MTREX: variants seen among roughly 807,000 people sequenced by gnomAD.
MTREX encodes exosome RNA helicase MTR4.
A neutral mutation model predicts 135.4 loss-of-function variants in MTREX; 76 were observed. The ratio of observed to expected loss-of-function variants is 0.56; its 90% CI spans 0.47 to 0.68. The LOEUF (loss-of-function observed/expected upper bound fraction) is 0.68. MTREX is among the 30% of genes least tolerant of loss of function. MTREX has a pLI of 0.00. For synonymous variants in MTREX, 404 were observed against 401.6 expected (o/e 1.01, Z -0.07); for missense variants, 920 against 1,262.1 (o/e 0.73, Z 4.11).
intron 5 of MTREX, among the ~76,000 whole-genome samples, chr5:55,335,888 G>A (rs189486000): frequency 9.2e-5 from 14 of 152,114 alleles, no homozygotes; most frequent in African/African-American, 3.4e-4. Flanking sequence ...CGATGAAAAT[G>A]ATGTATTTCT....
At chr5:55,384,740 T>C (rs567253713) in intron 18 of MTREX, among the ~76,000 whole-genome samples, 3 of 152,184 alleles carry the variant, frequency 2.0e-5, no homozygotes, top group Non-Finnish European at 4.4e-5. Context: ...CCCTATAGTA[T>C]GTAGCCTTTT....
chr5:55,336,248 T>C (rs1253580528), intron 5 of MTREX, among the ~76,000 whole-genome samples: 1 of 152,184 alleles, frequency 6.6e-6, no homozygotes, highest in Non-Finnish European at 1.5e-5. Context: ...CAATATCTAG[T>C]ACAACGTTGG....
At chr5:55,334,960 T>C (rs1406586953) in intron 5 of MTREX, among the ~76,000 whole-genome samples, 1 of 152,090 alleles carries the variant, frequency 6.6e-6, no homozygotes, top group African/African-American at 2.4e-5. Context: ...TTTATATTCC[T>C]ACCAGTAATG....
chr5:55,365,989 TA>T (rs765319067), intron 15 of MTREX, among the ~76,000 whole-genome samples: 1,643 of 121,182 alleles, frequency 0.014, 11 homozygotes, highest in African/African-American at 0.024. Context: ...AGACCCCATC[TA>T]AAAAAAAAAA....
intron 19 of MTREX, among the ~76,000 whole-genome samples, 188 bp from the exon 20 acceptor site, chr5:55,397,228 T>A (rs968451272): frequency 6.6e-6 from 1 of 152,244 alleles, no homozygotes; most frequent in African/African-American, 2.4e-5. Flanking sequence ...GGTTTTTATT[T>A]TTTAAATACA....
At chr5:55,320,840 A>G (rs1749277444) in intron 1 of MTREX, among the ~76,000 whole-genome samples, 1 of 152,086 alleles carries the variant, frequency 6.6e-6, no homozygotes, top group Non-Finnish European at 1.5e-5. Context: ...CAAAGTCACA[A>G]TTTTCCGAAA....
chr5:55,357,442 A>C (rs1218564747), intron 14 of MTREX: 2 of 155,592 alleles, frequency 1.3e-5, no homozygotes, highest in Non-Finnish European at 2.9e-5. Flanking sequence ...TCTGAGTGCC[A>C]CTGAACAGCT....
At chr5:55,331,985 T>C (rs753318765) in intron 5 of MTREX, among the ~76,000 whole-genome samples, 5 of 152,230 alleles carry the variant, frequency 3.3e-5, no homozygotes, top group Admixed American at 3.3e-4. Context: ...TTATTTTTAA[T>C]GTACATTATG....
In MTREX at chr5:55,308,164, A is replaced by G; in HGVS notation, c.134+17A>G. 1 of 1,565,110 alleles carries G rather than the reference A, an allele frequency of 6.4e-7. No homozygotes were observed. The highest frequency in any genetic ancestry group is 8.6e-7 in the Non-Finnish European group (1 of 1,159,954). ...CAAGGCAGGGTAAGGAAGAAGTTCCAGTTGTTGCTTTTATTTTTTTTCTCG... is the reference window on the plus strand; with the variant it reads ...CAAGGCAGGGTAAGGAAGAAGTTCCGGTTGTTGCTTTTATTTTTTTTCTCG... On this transcript the variant is annotated intron_variant, in intron 1 of 26. Transcript: ENST00000230640.
At position 55,315,506 on chromosome 5, in the gene MTREX, G is replaced by T. The variant is rs532265354; in HGVS notation, c.135-6821G>T. On this transcript the variant is annotated intron_variant, in intron 1 of 26. Transcript: ENST00000230640. ...TCTAAAATCATTTTGACAAATATTT[G>T]TAGTTATTATTATTATATATATTTT... 8.5e-5 allele frequency among the ~76,000 whole-genome samples: 13 copies of T among 152,080 alleles called. No homozygotes were observed. The South Asian group carries it at 2.7e-3, about 32-fold the overall frequency.
intron 25 of MTREX, among the ~76,000 whole-genome samples, chr5:55,422,015 C>T (rs2111634622): frequency 6.6e-6 from 1 of 152,164 alleles, no homozygotes; most frequent in Middle Eastern, 3.4e-3. Context: ...ATAGAAATAA[C>T]AAATAATTAT....
intron 5 of MTREX, among the ~76,000 whole-genome samples, chr5:55,336,370 G>T (rs1175717967): frequency 6.6e-6 from 1 of 152,038 alleles, no homozygotes; most frequent in East Asian, 1.9e-4. Flanking sequence ...CTCTTTATGA[G>T]AATGAAGTTG....
At chr5:55,316,379 C>T (rs1749198787) in intron 1 of MTREX, among the ~76,000 whole-genome samples, 1 of 152,114 alleles carries the variant, frequency 6.6e-6, no homozygotes, top group Non-Finnish European at 1.5e-5. Context: ...ATGCAAAAAT[C>T]CTCAGCAGAA....
intron 19 of MTREX, 98 bp from the exon 20 acceptor site, chr5:55,397,318 T>C: frequency 1.5e-6 from 1 of 654,578 alleles, no homozygotes; most frequent in Non-Finnish European, 2.6e-6. Flanking sequence ...TTACATACCA[T>C]AAATGCAACT....
chr5:55,423,180 TATTA>T (rs1751082668), intron 26 of MTREX, 198 bp downstream of exon 26: 1 of 561,580 alleles, frequency 1.8e-6, no homozygotes, highest in Non-Finnish European at 3.1e-6. Context: ...CATTTACGTA[TATTA>T]ATTGTACGCT....
At position 55,400,246 on chromosome 5, in the gene MTREX, G is replaced by A; in HGVS notation, c.2306G>A (p.Arg769His). Residue 769 changes from arginine to histidine, a missense_variant, in exon 21 of 27, where the codon CGT (arginine) becomes CAT (histidine). By Grantham distance (29) the Arg-to-His change is conservative (BLOSUM62 0). This residue lies in a region of MTREX where 467 missense variants were observed against 589.7 expected (regional missense o/e 0.79). Transcript: ENST00000230640. ...TATTTTTTTCAGGAAGTTCAGAAAC[G>A]TTTTCCTGACGGCATCCCCTTATTA... ...VLKSIQEVQK[R>H]FPDGIPLLDP... 4 of 1,551,188 alleles carry A rather than the reference G, an allele frequency of 2.6e-6. No individual in the cohort carries two copies. Among genetic ancestry groups the A allele is most frequent in the Non-Finnish European group, 2.6e-6 (3 of 1,147,162 alleles).
At chr5:55,335,967 G>A (rs539321150) in intron 5 of MTREX, among the ~76,000 whole-genome samples, 17 of 152,146 alleles carry the variant, frequency 1.1e-4, no homozygotes, top group African/African-American at 3.4e-4. Flanking sequence ...GGTCTTATAC[G>A]TGTTTTCTTA....
intron 5 of MTREX, among the ~76,000 whole-genome samples, chr5:55,336,189 A>C (rs925996750): frequency 3.3e-5 from 5 of 152,176 alleles, no homozygotes; most frequent in Admixed American, 6.5e-5. Context: ...TTGCCTGTGA[A>C]AAAAGATGGT....
At chr5:55,407,534 TAAC>T (rs34919228) in intron 22 of MTREX, among the ~76,000 whole-genome samples, 8,636 of 152,230 alleles carry the variant, frequency 0.057, 415 homozygotes, top group Admixed American at 0.11. Flanking sequence ...TTTATAGTAA[TAAC>T]AATATTATAT....
Sources: allele counts gnomAD v4.1 joint callset (sites outside exome capture counted in the v4.1 genomes callset), GRCh38; gene constraint gnomAD v4.1.1; regional missense constraint gnomAD v4.1.1; transcripts MANE v1.5; gene names NCBI Gene and HGNC (gene_info 2026-07-23, HGNC 2026-07-21).